ORC4: variants seen among roughly 807,000 people sequenced by gnomAD.
ORC4 encodes the protein origin recognition complex subunit 4, also known as origin recognition complex, subunit 4 homolog.
In ORC4, 55 loss-of-function variants were observed where a neutral mutation model predicts 63.9. The observed-to-expected ratio is 0.86, with a 90% CI of 0.69 to 1.08. ORC4 has a LOEUF of 1.08. Ranked by LOEUF, ORC4 falls within the 50% of genes least tolerant of loss-of-function variation. The pLI is 0.00. For missense variants in ORC4, 511 were observed against 504.4 expected (o/e 1.01, Z -0.13); for synonymous variants, 150 against 168.5 (o/e 0.89, Z 0.85).
chr2:147,978,386 C>T (rs1036011252), intron 1 of ORC4, among the ~76,000 whole-genome samples: 3 of 152,164 alleles, frequency 2.0e-5, no homozygotes, highest in Non-Finnish European at 4.4e-5. Context: ...AGGTGAGTCT[C>T]CTAGCAGTTC....
rs1317567255 is a variant in ORC4 at position 147,933,440 on chromosome 2, G to C, written c.*2070C>G. ...TATAATAGGCGTACACTTCATTTGT[G>C]TAACTTTTCCTAATGTATTTTTTTT... On this transcript the variant is annotated 3_prime_UTR_variant, in exon 14 of 14. Coordinates refer to ENST00000392857, the MANE Select transcript of ORC4 (RefSeq NM_181741.4). The C allele has an allele frequency of 6.6e-6, 1 of 152,042 alleles. No individual in the cohort carries two copies. Among genetic ancestry groups the C allele is most frequent in the Non-Finnish European group, 1.5e-5 (1 of 67,972 alleles). The allele number at this position is 152,042 out of a possible 1,614,324, so 9.4% of individuals were successfully genotyped here.
Position 147,931,963 on chromosome 2 carries a change from T to G in ORC4, c.*3547A>C, listed in dbSNP as rs1458925464. 1 of 151,804 alleles carries G rather than the reference T, an allele frequency of 6.6e-6. No homozygotes were observed. The highest frequency in any genetic ancestry group is 1.5e-5 in the Non-Finnish European group (1 of 67,938). 9.4% of individuals were successfully genotyped at this position (151,804 alleles called of 1,614,324 possible). A position where few individuals can be genotyped will look rare whatever the true frequency, so the allele number is the denominator to read the frequency against. ...TGTTGGAAGTTCTGGCCAGGGCAAT[T>G]AGGCAGGAGAAGGAAATAAAGGGTA... On this transcript the variant is annotated 3_prime_UTR_variant, in exon 14 of 14. Coordinates refer to ENST00000392857, the MANE Select transcript of ORC4 (RefSeq NM_181741.4).
intron 7 of ORC4, 63 bp downstream of exon 7, chr2:147,955,284 T>C (rs1689186485): frequency 1.7e-6 from 2 of 1,148,484 alleles, no homozygotes; most frequent in East Asian, 2.4e-5. Context: ...ATTACCTTTA[T>C]AATCAGGGAA....
chr2:147,988,324 C>T (rs1691354457), intron 1 of ORC4, among the ~76,000 whole-genome samples: 1 of 151,578 alleles, frequency 6.6e-6, no homozygotes, highest in Non-Finnish European at 1.5e-5. Context: ...TATATGAATC[C>T]AGTTTGGAGA....
At chr2:147,983,545 G>A (rs1224616773) in intron 1 of ORC4, among the ~76,000 whole-genome samples, 1 of 152,114 alleles carries the variant, frequency 6.6e-6, no homozygotes, top group Admixed American at 6.5e-5. Context: ...GGGTCATAGG[G>A]ACCTTTAAGG....
chr2:147,956,394 C>A (rs1689254169), intron 6 of ORC4, among the ~76,000 whole-genome samples: 1 of 151,992 alleles, frequency 6.6e-6, no homozygotes, highest in Non-Finnish European at 1.5e-5. Flanking sequence ...GTCTTTCAGG[C>A]TTTTTGCTTA....
chr2:148,018,789 A>C (rs2105487275), intron 1 of ORC4, among the ~76,000 whole-genome samples: 1 of 152,316 alleles, frequency 6.6e-6, no homozygotes, highest in East Asian at 1.9e-4. Flanking sequence ...GAAAGCAGTA[A>C]ATGATTGCCA....
Position 147,948,050 on chromosome 2 carries a change from C to G in ORC4, c.762+1G>C. The G allele has an allele frequency of 6.2e-7, 1 of 1,608,688 alleles. No individual in the cohort carries two copies. Among genetic ancestry groups the G allele is most frequent in the East Asian group, 2.2e-5 (1 of 44,688 alleles). On this transcript the variant is annotated splice_donor_variant, in intron 9 of 13. Coordinates refer to ENST00000392857, the MANE Select transcript of ORC4 (RefSeq NM_181741.4). LOFTEE classifies it high-confidence loss of function. ...TTTAGCTTTATTGCCTTTTAAGATA[C>G]CTGAACATTTTCATTCCACTTCTCA...
chr2:147,946,471 T>C (rs1393981906), intron 9 of ORC4, among the ~76,000 whole-genome samples: 1 of 151,872 alleles, frequency 6.6e-6, no homozygotes, highest in African/African-American at 2.4e-5. Flanking sequence ...GATCCAGAGG[T>C]CTGGTTCACA....
At chr2:147,967,968 G>C (rs766152765) in intron 4 of ORC4, among the ~76,000 whole-genome samples, 7 of 152,010 alleles carry the variant, frequency 4.6e-5, no homozygotes, top group Non-Finnish European at 7.4e-5. Context: ...CAATAGAACA[G>C]AATAGAGAAC....
intron 8 of ORC4, among the ~76,000 whole-genome samples, chr2:147,949,311 C>A (rs1469549603): frequency 6.6e-6 from 1 of 151,900 alleles, no homozygotes; most frequent in East Asian, 1.9e-4. Context: ...TAACACAGAT[C>A]AACTCTGAAA....
chr2:147,958,950 A>C, intron 4 of ORC4, 84 bp from the exon 5 acceptor site: 1 of 657,234 alleles, frequency 1.5e-6, no homozygotes, highest in Non-Finnish European at 2.8e-6. Flanking sequence ...AGCAGTAAGA[A>C]CAGAATATAA....
Position 147,986,464 on chromosome 2 carries a change from T to C in ORC4, c.-17-10489A>G, listed in dbSNP as rs571406870. ...ACTGATAAAAACTGTAATTCAATTA[T>C]TAAATTTCAAGCCTAAAAAAAAGAA... On this transcript the variant is annotated intron_variant, in intron 1 of 13. Coordinates refer to ENST00000392857, the MANE Select transcript of ORC4 (RefSeq NM_181741.4). 2.6e-4 allele frequency among the ~76,000 whole-genome samples: 39 copies of C among 152,204 alleles called. 1 individual carries two copies. Among genetic ancestry groups the C allele is most frequent in the Middle Eastern group, 6.8e-3 (2 of 294 alleles).
chr2:147,942,204 T>C (rs2105268005), intron 10 of ORC4, among the ~76,000 whole-genome samples: 1 of 152,258 alleles, frequency 6.6e-6, no homozygotes, highest in Admixed American at 6.5e-5. Context: ...CTACTGTCAT[T>C]ATTATTCTAT....
intron 4 of ORC4, among the ~76,000 whole-genome samples, chr2:147,962,097 A>G (rs1689631514): frequency 6.6e-6 from 1 of 152,106 alleles, no homozygotes; most frequent in African/African-American, 2.4e-5. Context: ...CCAGGAGGGT[A>G]GTGTGTAGGC....
chr2:147,991,856 AG>A (rs1409518097), intron 1 of ORC4, among the ~76,000 whole-genome samples: 2 of 152,152 alleles, frequency 1.3e-5, no homozygotes, highest in Non-Finnish European at 2.9e-5. Context: ...ACATTACTAC[AG>A]TTGTTTTGAT....
intron 1 of ORC4, among the ~76,000 whole-genome samples, chr2:148,007,398 G>C (rs1692700873): frequency 6.6e-6 from 1 of 152,108 alleles, no homozygotes; most frequent in Non-Finnish European, 1.5e-5. Flanking sequence ...ACTTAACAAA[G>C]AGACTAAAAT....
At chr2:147,964,082 A>G (rs1484194468) in intron 4 of ORC4, among the ~76,000 whole-genome samples, 3 of 152,242 alleles carry the variant, frequency 2.0e-5, no homozygotes, top group African/African-American at 7.2e-5. Context: ...ACACTTCCAA[A>G]GGAAAACAAT....
rs1687863706 is a variant in ORC4, at chr2:147,933,193, T to C, written c.*2317A>G. The C allele has an allele frequency of 6.6e-6, 1 of 152,138 alleles. No individual in the cohort carries two copies. The highest frequency in any genetic ancestry group is 2.4e-5 in the African/African-American group (1 of 41,458). 9.4% of individuals were successfully genotyped at this position (152,138 alleles called of 1,614,324 possible). A position where few individuals can be genotyped will look rare whatever the true frequency, so the allele number is the denominator to read the frequency against. ...TTTTTTGGTTCTATTTTTCCTCCTC[T>C]AGTAAATGAAGAAAATAAGCTATAT... On this transcript the variant is annotated 3_prime_UTR_variant, in exon 14 of 14. Coordinates refer to ENST00000392857, the MANE Select transcript of ORC4 (RefSeq NM_181741.4).
Sources: gnomAD v4.1 joint callset for allele counts (sites outside exome capture counted in the v4.1 genomes callset) on GRCh38, gnomAD v4.1.1 for gene constraint, MANE v1.5 for transcripts, NCBI Gene and HGNC (gene_info 2026-07-23, HGNC 2026-07-21) for gene names.